The following KAZN variants were observed in gnomAD, a reference collection of about 807,000 sequenced individuals.
KAZN encodes kazrin.
KAZN carries 40 observed loss-of-function variants against 87.4 expected under a neutral mutation model. The observed-to-expected ratio is 0.46, with a 90% CI of 0.36 to 0.60. The LOEUF (loss-of-function observed/expected upper bound fraction) is 0.60. Among genes scored for constraint, KAZN ranks in the 20% least tolerant of loss-of-function variants. The pLI is 0.00. For synonymous variants in KAZN, 466 were observed against 458.3 expected (o/e 1.02, Z -0.22); for missense variants, 898 against 1,073.9 (o/e 0.84, Z 2.29).
rs514969 is a variant in KAZN, at chr1:15,099,886, A to C, written c.1548-1657A>C. Among the ~76,000 whole-genome samples the C allele has an allele frequency of 0.7, 106,263 of 151,970 alleles. 37,981 individuals carry two copies. The highest frequency in any genetic ancestry group is 0.97 in the East Asian group (4,997 of 5,166). ...GGGAAAGGAGAGAAGTGGACAGAGG[A>C]TGCACTGACCAGAGTGACCGACAGA... On this transcript the variant is annotated intron_variant, in intron 10 of 14. Coordinates refer to ENST00000376030, the MANE Select transcript of KAZN (RefSeq NM_201628.3). The surrounding 1 kb of genome is among the most constrained non-coding windows in gnomAD (Gnocchi z 5.4).
chr1:14,571,897 AC>A (rs746779396), intron 2 of KAZN, among the ~76,000 whole-genome samples: 15 of 152,334 alleles, frequency 9.8e-5, no homozygotes, highest in Admixed American at 3.3e-4. Context: ...GGGCAATGTA[AC>A]TACTCCATCT....
chr1:15,059,008 C>A (rs1404434931), intron 5 of KAZN, among the ~76,000 whole-genome samples: 1 of 151,670 alleles, frequency 6.6e-6, no homozygotes, highest in Non-Finnish European at 1.5e-5. Context: ...GGCAACAGAG[C>A]AAGACCCTGT....
intron 2 of KAZN, among the ~76,000 whole-genome samples, chr1:14,203,031 G>A (rs1275746579): frequency 6.6e-6 from 1 of 151,852 alleles, no homozygotes; most frequent in Non-Finnish European, 1.5e-5. Flanking sequence ...AATCATCATA[G>A]ATAGGAAAGT....
intron 1 of KAZN, among the ~76,000 whole-genome samples, chr1:13,930,494 T>C (rs1192647011): frequency 1.3e-5 from 2 of 152,176 alleles, no homozygotes; most frequent in Non-Finnish European, 2.9e-5. Context: ...TACTAAGCCA[T>C]TTTCCCCCTT....
At chr1:15,016,862 C>T (rs1427734552) in intron 2 of KAZN, among the ~76,000 whole-genome samples, 5 of 152,182 alleles carry the variant, frequency 3.3e-5, no homozygotes, top group Non-Finnish European at 7.3e-5. Context: ...ACCACGCCAC[C>T]GGCGGCCCAG....
At chr1:14,859,198 G>A (rs1342038034) in intron 1 of KAZN, among the ~76,000 whole-genome samples, 7 of 148,462 alleles carry the variant, frequency 4.7e-5, no homozygotes, top group African/African-American at 7.6e-5. Context: ...GTGACAGAGC[G>A]AGACCCCGTC....
At chr1:14,027,284 C>T (rs563709288) in intron 1 of KAZN, among the ~76,000 whole-genome samples, 2 of 152,296 alleles carry the variant, frequency 1.3e-5, no homozygotes, top group East Asian at 3.9e-4. Flanking sequence ...TCCTCAGCCC[C>T]ATGCGATGCG....
At chr1:14,952,009 A>G (rs1248548603) in intron 1 of KAZN, among the ~76,000 whole-genome samples, 1 of 152,122 alleles carries the variant, frequency 6.6e-6, no homozygotes, top group East Asian at 1.9e-4. Context: ...TGCCCTGCCA[A>G]TGTCTGTGAG....
chr1:14,108,563 C>T (rs1333477365), intron 1 of KAZN, among the ~76,000 whole-genome samples: 1 of 152,146 alleles, frequency 6.6e-6, no homozygotes, highest in Non-Finnish European at 1.5e-5. Flanking sequence ...CTTGCAGTGC[C>T]CTCTGACAAA....
chr1:14,951,068 A>G (rs992169656), intron 1 of KAZN, among the ~76,000 whole-genome samples: 1 of 152,196 alleles, frequency 6.6e-6, no homozygotes, highest in African/African-American at 2.4e-5. Context: ...ATTCATGCAC[A>G]TGAAGATTTC....
intron 2 of KAZN, among the ~76,000 whole-genome samples, chr1:15,018,054 A>G (rs1300336201): frequency 6.6e-6 from 1 of 151,448 alleles, no homozygotes; most frequent in African/African-American, 2.4e-5. Context: ...CCAGCCTGCA[A>G]ACTCCCTTTT....
intron 2 of KAZN, among the ~76,000 whole-genome samples, chr1:14,963,391 C>T (rs1049644758): frequency 6.6e-6 from 1 of 152,144 alleles, no homozygotes; most frequent in East Asian, 1.9e-4. Flanking sequence ...ATAACTTGAC[C>T]AGGGTGGCAG....
chr1:13,972,602 C>A (rs929479285), intron 1 of KAZN, among the ~76,000 whole-genome samples: 36 of 152,258 alleles, frequency 2.4e-4, no homozygotes, highest in African/African-American at 7.9e-4. Context: ...GAAGGAAGAC[C>A]CCCAGCCTTT....
chr1:14,622,112 T>A (rs375354397), intron 1 of KAZN, among the ~76,000 whole-genome samples: 2 of 152,204 alleles, frequency 1.3e-5, no homozygotes, highest in East Asian at 3.8e-4. Flanking sequence ...ACAGATTCAT[T>A]TCCTCCTTTA....
At chr1:14,667,638 T>A (rs1639645500) in intron 1 of KAZN, among the ~76,000 whole-genome samples, 1 of 152,128 alleles carries the variant, frequency 6.6e-6, no homozygotes, top group Admixed American at 6.5e-5. Flanking sequence ...AGGTTGTAAT[T>A]ATTCTGGAAC....
chr1:15,103,130 G>A (rs901929791), intron 11 of KAZN, among the ~76,000 whole-genome samples: 1 of 152,238 alleles, frequency 6.6e-6, no homozygotes. Context: ...AGCCCGGTGT[G>A]GTGGCAGGTG....
At chr1:14,105,301 A>T (rs1644344229) in intron 1 of KAZN, among the ~76,000 whole-genome samples, 1 of 152,222 alleles carries the variant, frequency 6.6e-6, no homozygotes, top group Non-Finnish European at 1.5e-5. Context: ...ATGAAGACTG[A>T]GAAGGAGCTG....
At chr1:14,482,503 T>A (rs546538737) in intron 2 of KAZN, among the ~76,000 whole-genome samples, 1 of 149,922 alleles carries the variant, frequency 6.7e-6, no homozygotes, top group Non-Finnish European at 1.5e-5. Context: ...TATTTGCTCA[T>A]CTGTAAAACA....
chr1:14,235,041 T>TC (rs1244557510), intron 2 of KAZN, among the ~76,000 whole-genome samples: 1 of 152,130 alleles, frequency 6.6e-6, no homozygotes, highest in African/African-American at 2.4e-5. Context: ...CACATACATA[T>TC]CCCCAAAGAA....
Sources: allele counts gnomAD v4.1 joint callset (sites outside exome capture counted in the v4.1 genomes callset), GRCh38; gene constraint gnomAD v4.1.1; non-coding constraint Gnocchi (gnomAD v3.1); transcripts MANE v1.5; gene names NCBI Gene and HGNC (gene_info 2026-07-23, HGNC 2026-07-21).